NAAA: variants seen among roughly 807,000 people sequenced by gnomAD.
NAAA encodes N-acylethanolamine acid amidase.
A neutral mutation model predicts 44.8 loss-of-function variants in NAAA; 39 were observed. The observed-to-expected ratio is 0.87, with a 90% confidence interval of 0.67 to 1.14. The LOEUF (loss-of-function observed/expected upper bound fraction) is 1.14. Ranked by LOEUF, NAAA falls within the 50% of genes most tolerant of loss-of-function variation. The probability of loss-of-function intolerance (pLI) is 0.00; values close to 1 mark genes in which losing one functional copy is unlikely to be tolerated. For synonymous variants in NAAA, 178 were observed against 191.3 expected (o/e 0.93, Z 0.58); for missense variants, 460 against 467.8 (o/e 0.98, Z 0.15).
At chr4:75,910,959 G>A (rs534566036), downstream of NAAA, among the ~76,000 whole-genome samples, 4 of 152,320 alleles carry the variant, frequency 2.6e-5, no homozygotes, top group South Asian at 2.1e-4. Context: ...TGGGATAGAC[G>A]GTGGAGTTCG....
chr4:75,937,591 T>C (rs1348520921), intron 2 of NAAA, among the ~76,000 whole-genome samples: 1 of 152,186 alleles, frequency 6.6e-6, no homozygotes, highest in African/African-American at 2.4e-5. Context: ...GCTGAAGCGA[T>C]CCTCCCACTT....
intron 1 of NAAA, 32 bp from the exon 2 acceptor site, chr4:75,940,197 C>T (rs1421558268): frequency 3.1e-6 from 5 of 1,597,314 alleles, no homozygotes; most frequent in Admixed American, 1.7e-5. Flanking sequence ...GCGTCTGACC[C>T]GCTCAGAGGT....
chr4:75,934,052 GTAATAATAATAATAATAATAATAATAA>G (rs66466020), intron 3 of NAAA, among the ~76,000 whole-genome samples: 2 of 142,036 alleles, frequency 1.4e-5, no homozygotes, highest in African/African-American at 2.6e-5. Flanking sequence ...AATAGTAGTA[GTAATAATAATAATAATAATAATAATAA>G]TAATAATAAT....
chr4:75,931,103 C>G (rs2149273359), intron 4 of NAAA, 111 bp downstream of exon 4: 1 of 774,964 alleles, frequency 1.3e-6, no homozygotes, highest in South Asian at 1.9e-5. Flanking sequence ...GGATGGAAGT[C>G]CCTGCCACAT....
chr4:75,925,709 G>A (rs555152284), intron 5 of NAAA, 26 bp downstream of exon 5: 2 of 1,605,380 alleles, frequency 1.2e-6, no homozygotes, highest in East Asian at 4.5e-5. Context: ...TGGAGTTAAG[G>A]AGGGCTCCAC....
At chr4:75,923,343 T>C (rs1726353270) in intron 5 of NAAA, among the ~76,000 whole-genome samples, 1 of 152,186 alleles carries the variant, frequency 6.6e-6, no homozygotes, top group South Asian at 2.1e-4. Flanking sequence ...GAAGAGTCCT[T>C]GGCAAGGCTT....
chr4:75,916,112 C>T (rs1725601619), intron 9 of NAAA, among the ~76,000 whole-genome samples: 1 of 152,202 alleles, frequency 6.6e-6, no homozygotes, highest in Non-Finnish European at 1.5e-5. Flanking sequence ...TTAGTATTTT[C>T]TCTACTGATG....
rs1003189102 is a variant in NAAA at position 75,940,065 on chromosome 4, A to G, written c.307T>C (p.Cys103Arg). The stretch of plus-strand genomic sequence containing the variant: ...GCCAGGCTGAGGTTCATGAAGTCAC[A>G]CATGCCGCGGATCTCGCCGGTGAAG... ...QPFTGEIRGM[C>R]DFMNLSLADC... is the part of the protein sequence containing the mutation. Residue 103 changes from cysteine (C) to arginine (R), a missense_variant, in exon 2 of 11, where the codon TGT becomes CGT. Cys to Arg is a radical substitution (Grantham distance 180). Transcript: ENST00000286733. 9 of 1,614,016 alleles carry G rather than the reference A, an allele frequency of 5.6e-6. No individual in the cohort carries two copies. Among genetic ancestry groups the G allele is most frequent in the Non-Finnish European group, 6.8e-6 (8 of 1,180,038 alleles).
At chr4:75,940,719 G>A in intron 1 of NAAA, 25 bp downstream of exon 1, 1 of 1,585,878 alleles carries the variant, frequency 6.3e-7, no homozygotes, top group Non-Finnish European at 8.5e-7. Context: ...TGTCCCCGCA[G>A]ACCCCGTCCA....
intron 7 of NAAA, 91 bp downstream of exon 7, chr4:75,920,647 C>A: frequency 6.7e-7 from 1 of 1,485,698 alleles, no homozygotes; most frequent in Non-Finnish European, 9.4e-7. Flanking sequence ...GAGGATAGCA[C>A]CCATAGGTCT....
Position 75,940,108 on chromosome 4 carries a change from C to A in NAAA, c.264G>T (p.Glu88Asp). The A allele has an allele frequency of 1.2e-6, 2 of 1,614,152 alleles. No homozygotes were observed. The highest frequency in any genetic ancestry group is 1.1e-5 in the South Asian group (1 of 91,084). The change falls in exon 2 of 11, where the codon GAG (glutamate) becomes GAT (aspartate). Residue 88 changes from glutamate to aspartate, a missense_variant. Coordinates refer to ENST00000286733, the MANE Select transcript of NAAA (RefSeq NM_014435.4). ...CGGTGAAGGGCTGGGGCAGGAAGCG[C>A]TCCAGCTCCAGGACCACTTTTCCGA... ...VLIGKVVLELERFLPQPFTGE... is the reference protein window; with the variant it reads ...VLIGKVVLELDRFLPQPFTGE...
intron 9 of NAAA, among the ~76,000 whole-genome samples, chr4:75,918,495 C>G (rs1725836712): frequency 6.6e-6 from 1 of 151,966 alleles, no homozygotes; most frequent in Non-Finnish European, 1.5e-5. Flanking sequence ...CAGGGTCACT[C>G]TATTCTTTTT....
intron 3 of NAAA, among the ~76,000 whole-genome samples, chr4:75,934,379 G>A (rs1287585220): frequency 1.3e-5 from 2 of 151,778 alleles, no homozygotes; most frequent in East Asian, 1.9e-4. Flanking sequence ...GCAGTGGTGC[G>A]ATCTCAGCTC....
At position 75,925,789 on chromosome 4, in the gene NAAA, A is replaced by G; in HGVS notation, c.612T>C (p.Asn204=). ...GTCTCCGAAACAGGGCAGCGATAGCATTCTCCCACCACCAGCCTTTATCTG... is the reference window on the plus strand; with the variant it reads ...GTCTCCGAAACAGGGCAGCGATAGCGTTCTCCCACCACCAGCCTTTATCTG... ...DERDKGWWWE[N]AIAALFRRHI... is the part of the protein sequence containing the mutation. The change falls in exon 5 of 11, where the codon AAT becomes AAC. Residue 204 remains asparagine (N), a synonymous_variant. Coordinates refer to ENST00000286733, the MANE Select transcript of NAAA (RefSeq NM_014435.4). 6.2e-7 allele frequency: 1 copy of G among 1,614,196 alleles called. No individual in the cohort carries two copies. Among genetic ancestry groups the G allele is most frequent in the Non-Finnish European group, 8.5e-7 (1 of 1,180,040 alleles).
intron 5 of NAAA, among the ~76,000 whole-genome samples, chr4:75,925,348 C>T (rs977116069): frequency 6.6e-6 from 1 of 152,140 alleles, no homozygotes; most frequent in African/African-American, 2.4e-5. Context: ...AGCATAACTT[C>T]TAAGTTCCAG....
Position 75,913,803 on chromosome 4 carries a change from T to C in NAAA, c.*572A>G, listed in dbSNP as rs985766746. The C allele has an allele frequency of 5.1e-6, 5 of 985,018 alleles. No homozygotes were observed. In the African/African-American group the frequency reaches 5.2e-5, roughly 10 times the overall value. The allele number at this position is 985,018 out of a possible 1,614,324, so 61.0% of individuals were successfully genotyped here. ...AGCTATTGAGAAAGAAGGAGGGCCA[T>C]AGGTTTTTCAATAAAACGTTAGAAA... is the stretch of plus-strand genomic sequence containing the variant. On this transcript the variant is annotated 3_prime_UTR_variant, in exon 11 of 11. Transcript: ENST00000286733.
intron 4 of NAAA, among the ~76,000 whole-genome samples, chr4:75,929,267 T>C (rs1284504704): frequency 2.0e-5 from 3 of 152,218 alleles, no homozygotes; most frequent in Non-Finnish European, 4.4e-5. Flanking sequence ...TCATTAGTCC[T>C]CCTCATATCT....
At chr4:75,917,863 G>T (rs1459465920) in intron 9 of NAAA, 6 of 338,574 alleles carry the variant, frequency 1.8e-5, no homozygotes, top group African/African-American at 1.3e-4. Flanking sequence ...CTCACAGAAT[G>T]CTGCTATCAA....
At chr4:75,928,960 T>TG (rs1365262143) in intron 4 of NAAA, among the ~76,000 whole-genome samples, 7 of 125,014 alleles carry the variant, frequency 5.6e-5, no homozygotes. Flanking sequence ...GCTAAATTTG[T>TG]GTTTTTTTTT....
Sources: allele counts gnomAD v4.1 joint callset (sites outside exome capture counted in the v4.1 genomes callset), GRCh38; gene constraint gnomAD v4.1.1; transcripts MANE v1.5; gene names NCBI Gene and HGNC (gene_info 2026-07-23, HGNC 2026-07-21).